The following IGF1 variants were observed in gnomAD, a reference collection of about 807,000 sequenced individuals.
IGF1 encodes insulin like growth factor 1.
IGF1 carries 4 observed loss-of-function variants against 13.8 expected under a neutral mutation model. The observed-to-expected ratio is 0.29, with a 90% confidence interval of 0.14 to 0.66. The LOEUF (loss-of-function observed/expected upper bound fraction) is 0.66, where lower values mean the gene tolerates loss of function less well. Among genes scored for constraint, IGF1 ranks in the 30% least tolerant of loss-of-function variants. The pLI is 0.78. For missense variants in IGF1, 124 were observed against 188.5 expected (o/e 0.66, Z 2.00); for synonymous variants, 76 against 72.6 (o/e 1.05, Z -0.23).
intron 1 of IGF1, among the ~76,000 whole-genome samples, chr12:102,477,510 A>G (rs1454990796): frequency 6.6e-6 from 1 of 151,166 alleles, no homozygotes; most frequent in Non-Finnish European, 1.5e-5. Context: ...TGGGACTGGA[A>G]GAAGCATGTT....
chr12:102,448,899 CAG>C (rs1565990974), intron 2 of IGF1, among the ~76,000 whole-genome samples: 2 of 152,084 alleles, frequency 1.3e-5, no homozygotes, highest in East Asian at 3.9e-4. Context: ...CAGGAAACAA[CAG>C]ATGCTGGAGA....
intron 2 of IGF1, among the ~76,000 whole-genome samples, chr12:102,450,171 C>T (rs1878790408): frequency 6.6e-6 from 1 of 152,100 alleles, no homozygotes; most frequent in African/African-American, 2.4e-5. Flanking sequence ...TTATATTATT[C>T]CCCTGTCATT....
rs1002364368 is a variant in IGF1, at chr12:102,402,916, GA to G, written c.403-351del. ...TGGCCTCTAGATCCTTTCCTAGTAA[GA>G]AAAAAAATCAATCACATTCTGGATT... On this transcript the variant is annotated intron_variant, in intron 3 of 3. Coordinates refer to ENST00000337514, the MANE Select transcript of IGF1 (RefSeq NM_000618.5). Among the ~76,000 whole-genome samples, 89 of 152,038 alleles carry G rather than the reference GA, an allele frequency of 5.9e-4. 1 individual carries two copies. Among genetic ancestry groups the G allele is most frequent in the Admixed American group, 1.1e-3 (17 of 15,284 alleles).
At chr12:102,429,877 A>T (rs1253480030) in intron 2 of IGF1, among the ~76,000 whole-genome samples, 4 of 152,098 alleles carry the variant, frequency 2.6e-5, no homozygotes, top group African/African-American at 9.7e-5. Context: ...TTCCTTTCTG[A>T]GAACTAGAGA....
chr12:102,448,939 C>T (rs1435644291), intron 2 of IGF1, among the ~76,000 whole-genome samples: 3 of 152,144 alleles, frequency 2.0e-5, no homozygotes, highest in African/African-American at 7.2e-5. Context: ...AATGCTTTTT[C>T]ACTGTTGGTG....
intron 2 of IGF1, among the ~76,000 whole-genome samples, chr12:102,469,165 C>A (rs1880529264): frequency 6.6e-6 from 1 of 152,184 alleles, no homozygotes; most frequent in South Asian, 2.1e-4. Context: ...ACTGGCTGCT[C>A]CCACATCTCC....
At chr12:102,427,520 A>G (rs1876316708) in intron 2 of IGF1, among the ~76,000 whole-genome samples, 1 of 152,088 alleles carries the variant, frequency 6.6e-6, no homozygotes, top group African/African-American at 2.4e-5. Context: ...CTCTGTTCTC[A>G]GGGGCCCTGC....
chr12:102,453,986 T>G (rs1424782734), intron 2 of IGF1, among the ~76,000 whole-genome samples: 3 of 152,308 alleles, frequency 2.0e-5, no homozygotes, highest in African/African-American at 7.2e-5. Flanking sequence ...ATATAAGAGC[T>G]TGGAAAGTGC....
At chr12:102,427,904 G>A (rs1876353336) in intron 2 of IGF1, among the ~76,000 whole-genome samples, 1 of 152,096 alleles carries the variant, frequency 6.6e-6, no homozygotes, top group Admixed American at 6.6e-5. Flanking sequence ...GCAGACTTGA[G>A]TGCCAGTTGG....
intron 3 of IGF1, among the ~76,000 whole-genome samples, chr12:102,407,397 T>C (rs1322777180): frequency 6.6e-6 from 1 of 152,198 alleles, no homozygotes; most frequent in East Asian, 1.9e-4. Context: ...GTGCTGGGGA[T>C]TGTAGTATGT....
In IGF1 at chr12:102,426,518, G is replaced by C. The variant is rs970447154; in HGVS notation, c.221-6828C>G. On this transcript the variant is annotated intron_variant, in intron 2 of 3. Coordinates refer to ENST00000337514, the MANE Select transcript of IGF1 (RefSeq NM_000618.5). ...TTTCTAGATATTGTTATTCACTAAA[G>C]TAAATGAAAGGCTGTTCTCTTGAAA... Among the ~76,000 whole-genome samples the C allele has an allele frequency of 3.3e-5, 5 of 152,168 alleles. No homozygotes were observed. In the East Asian group the frequency reaches 9.6e-4, roughly 29 times the overall value.
Position 102,418,124 on chromosome 12 carries a change from G to T in IGF1, c.402+1385C>A, listed in dbSNP as rs1565969103. On this transcript the variant is annotated intron_variant, in intron 3 of 3. Coordinates refer to ENST00000337514, the MANE Select transcript of IGF1 (RefSeq NM_000618.5). The stretch of plus-strand genomic sequence containing the variant: ...GAGACAGCACTCATGCTGGAGAGGG[G>T]TCTAGACCTCAGTCACAAGACCCAC... 6.0e-6 allele frequency: 6 copies of T among 996,396 alleles called. No homozygotes were observed. The East Asian group carries it at 1.4e-4, about 23-fold the overall frequency. 61.7% of individuals were successfully genotyped at this position (996,396 alleles called of 1,614,324 possible). A position where few individuals can be genotyped will look rare whatever the true frequency, so the allele number is the denominator to read the frequency against.
chr12:102,424,353 T>C (rs907345962), intron 2 of IGF1, among the ~76,000 whole-genome samples: 1 of 152,032 alleles, frequency 6.6e-6, no homozygotes, highest in African/African-American at 2.4e-5. Context: ...CAAATGAAAT[T>C]ATTAGCTAAT....
intron 2 of IGF1, among the ~76,000 whole-genome samples, chr12:102,453,016 G>T (rs1449773231): frequency 6.6e-6 from 1 of 152,202 alleles, no homozygotes; most frequent in Non-Finnish European, 1.5e-5. Flanking sequence ...ATCTTCCTCA[G>T]GGAGTTAGGA....
chr12:102,480,200 ATAACT>A, intron 1 of IGF1, 114 bp downstream of exon 1: 1 of 966,486 alleles, frequency 1.0e-6, no homozygotes, highest in Non-Finnish European at 1.6e-6. Flanking sequence ...CAATTTATAA[ATAACT>A]CTCGGTTCCG....
In IGF1 at chr12:102,402,283, A is replaced by G. The variant is rs1256994689; in HGVS notation, c.*224T>C. On this transcript the variant is annotated 3_prime_UTR_variant, in exon 4 of 4. Transcript: ENST00000337514. ...TTCTATAGAACATTATTGATAAAAG[A>G]TCAACAGCAATCTACCAACTCCAGG... The G allele has an allele frequency of 3.9e-6, 2 of 510,758 alleles. No homozygotes were observed. Among genetic ancestry groups the G allele is most frequent in the East Asian group, 3.4e-5 (1 of 29,070 alleles). The allele number at this position is 510,758 out of a possible 1,614,324, so 31.6% of individuals were successfully genotyped here.
intron 2 of IGF1, 144 bp from the exon 3 acceptor site, chr12:102,419,834 T>A: frequency 1.3e-6 from 1 of 766,408 alleles, no homozygotes; most frequent in Non-Finnish European, 2.2e-6. Flanking sequence ...CCCCAATGAT[T>A]CCTGACCCCA....
intron 2 of IGF1, among the ~76,000 whole-genome samples, chr12:102,444,252 T>A (rs1878120734): frequency 6.6e-6 from 1 of 151,950 alleles, no homozygotes; most frequent in South Asian, 2.1e-4. Flanking sequence ...AATTTCCTTT[T>A]TTTTTTTTCT....
intron 2 of IGF1, among the ~76,000 whole-genome samples, chr12:102,447,339 A>C (rs1319853683): frequency 6.6e-6 from 1 of 152,200 alleles, no homozygotes; most frequent in South Asian, 2.1e-4. Context: ...AAAGTCTCCC[A>C]GCATTATTGT....
Sources: allele counts gnomAD v4.1 joint callset (sites outside exome capture counted in the v4.1 genomes callset), GRCh38; gene constraint gnomAD v4.1.1; transcripts MANE v1.5; gene names NCBI Gene and HGNC (gene_info 2026-07-23, HGNC 2026-07-21).